The following SPATA31A1 variants were observed in gnomAD, a reference collection of about 807,000 sequenced individuals.
The protein encoded by SPATA31A1 is spermatogenesis-associated protein 31A1.
For synonymous variants in SPATA31A1, 194 were observed against 573.4 expected (o/e 0.34, Z 9.45); for missense variants, 579 against 1,476.3 (o/e 0.39, Z 9.96).
rs1489147854 is a variant in SPATA31A1 at position 39,355,685 on chromosome 9, G to A, written c.-46G>A. ...CTGGGCCCCAGTCCCTAGTCCCCAC[G>A]GGGATGCCCAGAGCTCAGTTGCTTG... On this transcript the variant is annotated 5_prime_UTR_variant, in exon 1 of 4. Coordinates refer to ENST00000377647, the MANE Select transcript of SPATA31A1 (RefSeq NM_001085452.4). 2.0e-5 allele frequency: 9 copies of A among 454,790 alleles called. No individual in the cohort carries two copies. The highest frequency in any genetic ancestry group is 4.5e-5 in the South Asian group (2 of 44,578). The allele number at this position is 454,790 out of a possible 1,614,324, so 28.2% of individuals were successfully genotyped here.
At position 39,361,199 on chromosome 9, in the gene SPATA31A1, A is replaced by G. The variant is rs1823458539; in HGVS notation, c.3434A>G (p.Asp1145Gly). 6.2e-7 allele frequency: 1 copy of G among 1,611,394 alleles called. No homozygotes were observed. Among genetic ancestry groups the G allele is most frequent in the South Asian group, 1.1e-5 (1 of 90,960 alleles). Residue 1145 changes from aspartate to glycine, a missense_variant, in exon 4 of 4, where the codon GAT (aspartate) becomes GGT (glycine). Coordinates refer to ENST00000377647, the MANE Select transcript of SPATA31A1 (RefSeq NM_001085452.4). Reference protein sequence around the residue: ...PVRKTEDTHQDEGVQLLPSKK... With the variant: ...PVRKTEDTHQGEGVQLLPSKK... The stretch of plus-strand genomic sequence containing the variant: ...AGGAAAACAGAAGACACCCATCAGG[A>G]TGAAGGCGTCCAGCTACTGCCATCA...
chr9:39,361,399 G>A lies in SPATA31A1; in HGVS notation c.3634G>A (p.Ala1212Thr), dbSNP rs900177160. The A allele has an allele frequency of 5.1e-5, 83 of 1,613,608 alleles. 1 individual carries two copies. In the Middle Eastern group the frequency reaches 8.3e-4, roughly 16 times the overall value. Residue 1212 changes from alanine to threonine, a missense_variant, in exon 4 of 4, where the codon GCA (alanine) becomes ACA (threonine). By Grantham distance (58) the Ala-to-Thr change is moderately conservative. Transcript: ENST00000377647. The stretch of plus-strand genomic sequence containing the variant: ...TGCTGAAGCTCAGGGTCTCATGACG[G>A]CAGTTGGACAAATGCTGGACGAGAA... ...SSAEAQGLMTAVGQMLDEKMS... is the reference protein window; with the variant it reads ...SSAEAQGLMTTVGQMLDEKMS...
rs1162676216 is a variant in SPATA31A1, at chr9:39,358,716, G to A, written c.951G>A (p.Leu317=). The change falls in exon 4 of 4, where the codon CTG becomes CTA. Residue 317 remains leucine, a synonymous_variant. Transcript: ENST00000377647. ...CCTACCAGATGGAAGCTGGTAGCCT[G>A]TTTTTGCTCAGCTCTGATGGCCAGA... The part of the protein sequence containing the change: ...PETYQMEAGS[L]FLLSSDGQNA... 12 of 1,606,994 alleles carry A rather than the reference G, an allele frequency of 7.5e-6. No individual in the cohort carries two copies. Among genetic ancestry groups the A allele is most frequent in the Non-Finnish European group, 8.5e-6 (10 of 1,179,822 alleles).
chr9:39,358,849 T>G lies in SPATA31A1; in HGVS notation c.1084T>G (p.Ser362Ala). 6.3e-7 allele frequency: 1 copy of G among 1,596,100 alleles called. No homozygotes were observed. The highest frequency in any genetic ancestry group is 8.5e-7 in the Non-Finnish European group (1 of 1,179,710). ...DRMTPEKHLN[S>A]LRNLAKSLDA... is the part of the protein sequence containing the mutation. ...AATGACCCCAGAAAAGCACTTAAAT[T>G]CTTTGCGGAATTTGGCTAAATCATT... The change falls in exon 4 of 4, where the codon TCT (serine) becomes GCT (alanine). Residue 362 changes from serine (S) to alanine (A), a missense_variant. By Grantham distance (99) the Ser-to-Ala change is moderately conservative (BLOSUM62 1). Transcript: ENST00000377647.
In SPATA31A1 at chr9:39,360,972, C is replaced by T; in HGVS notation, c.3207C>T (p.Ser1069=). Reference sequence around the variant, plus strand: ...TGCCTGCTGGGAACATGCGGGCTTCCCAGGAGCTACATGACCTTATGGCAG... The same window carrying T: ...TGCCTGCTGGGAACATGCGGGCTTCTCAGGAGCTACATGACCTTATGGCAG... ...QSMPAGNMRA[S]QELHDLMAAR... is the part of the protein sequence containing the mutation. The change falls in exon 4 of 4, where the codon TCC becomes TCT. Residue 1069 remains serine, a synonymous_variant. Transcript: ENST00000377647. 1 of 1,609,074 alleles carries T rather than the reference C, an allele frequency of 6.2e-7. No individual in the cohort carries two copies. Among genetic ancestry groups the T allele is most frequent in the Non-Finnish European group, 8.5e-7 (1 of 1,179,364 alleles).
At chr9:39,356,482 C>CTGTGTGTG (rs201386587) in intron 1 of SPATA31A1, among the ~76,000 whole-genome samples, 1 of 123,942 alleles carries the variant, frequency 8.1e-6, no homozygotes, top group Non-Finnish European at 1.7e-5. Context: ...GAAAATCCCT[C>CTGTGTGTG]TGTGTGTGTG....
Position 39,358,488 on chromosome 9 carries a change from C to G in SPATA31A1, c.723C>G (p.Asp241Glu). ...DSTLITPSHC[D>E]SVALPLGTVP... ...CACTGATAACTCCATCTCACTGTGA[C>G]TCAGTGGCACTTCCACTGGGCACCG... The change falls in exon 4 of 4, where the codon GAC becomes GAG. Residue 241 changes from aspartate to glutamate, a missense_variant. Coordinates refer to ENST00000377647, the MANE Select transcript of SPATA31A1 (RefSeq NM_001085452.4). The G allele has an allele frequency of 6.4e-7, 1 of 1,571,504 alleles. No homozygotes were observed. The highest frequency in any genetic ancestry group is 1.1e-5 in the South Asian group (1 of 89,224).
In SPATA31A1 at chr9:39,361,162, C is replaced by T; in HGVS notation, c.3397C>T (p.Leu1133Phe). The part of the protein sequence containing the change: ...ERLEGLRTPQ[L>F]TPVRKTEDTH... ...GCTTGAAGGATTGAGGACTCCTCAACTTACCCCAGTCAGGAAAACAGAAGA... is the reference window on the plus strand; with the variant it reads ...GCTTGAAGGATTGAGGACTCCTCAATTTACCCCAGTCAGGAAAACAGAAGA... Residue 1133 changes from leucine (L) to phenylalanine (F), a missense_variant, in exon 4 of 4, where the codon CTT (leucine) becomes TTT (phenylalanine). By Grantham distance (22) the Leu-to-Phe change is conservative (BLOSUM62 0). Transcript: ENST00000377647. 1.2e-6 allele frequency: 2 copies of T among 1,611,272 alleles called. No individual in the cohort carries two copies. The highest frequency in any genetic ancestry group is 1.7e-6 in the Non-Finnish European group (2 of 1,179,646).
In SPATA31A1 at chr9:39,358,565, T is replaced by C. The variant is rs1378940881; in HGVS notation, c.800T>C (p.Ile267Thr). Residue 267 changes from isoleucine to threonine, a missense_variant, in exon 4 of 4, where the codon ATC becomes ACC. Ile to Thr is a moderately conservative substitution (Grantham distance 89, BLOSUM62 -1). Coordinates refer to ENST00000377647, the MANE Select transcript of SPATA31A1 (RefSeq NM_001085452.4). The part of the protein sequence containing the change: ...HEDLVASVPA[I>T]SGLGGSNSHV... The stretch of plus-strand genomic sequence containing the variant: ...GATTTGGTGGCTTCTGTCCCAGCCA[T>C]CTCAGGCCTTGGTGGCTCAAACAGT... The C allele has an allele frequency of 6.9e-6, 11 of 1,589,232 alleles. No homozygotes were observed. The highest frequency in any genetic ancestry group is 1.4e-5 in the African/African-American group (1 of 71,240).
rs1248195121 is a variant in SPATA31A1 at position 39,358,581 on chromosome 9, C to T, written c.816C>T (p.Gly272=). ...ASVPAISGLG[G]SNSHVSASSR... ...TCCCAGCCATCTCAGGCCTTGGTGG[C>T]TCAAACAGTCATGTTTCTGCCTCCT... The change falls in exon 4 of 4, where the codon GGC becomes GGT. Residue 272 remains glycine, a synonymous_variant. Coordinates refer to ENST00000377647, the MANE Select transcript of SPATA31A1 (RefSeq NM_001085452.4). The T allele has an allele frequency of 7.2e-5, 114 of 1,593,108 alleles. 2 individuals are homozygous for T. The highest frequency in any genetic ancestry group is 8.5e-5 in the Non-Finnish European group (100 of 1,178,126).
chr9:39,361,697 C>T lies in SPATA31A1; in HGVS notation c.3932C>T (p.Pro1311Leu). The T allele has an allele frequency of 6.2e-7, 1 of 1,612,536 alleles. No homozygotes were observed. Among genetic ancestry groups the T allele is most frequent in the South Asian group, 1.1e-5 (1 of 90,986 alleles). Residue 1311 changes from proline to leucine, a missense_variant, in exon 4 of 4, where the codon CCC becomes CTC. Physicochemically the swap from Pro to Leu is moderately conservative, Grantham distance 98. Transcript: ENST00000377647. ...CTGCGACATCCCCAAATCTTGCACCCCAAGAAAGCTGTATCCCCAGTCAGT... is the reference window on the plus strand; with the variant it reads ...CTGCGACATCCCCAAATCTTGCACCTCAAGAAAGCTGTATCCCCAGTCAGT... ...WGLRHPQILH[P>L]KKAVSPVSPL...
chr9:39,358,839 G>T lies in SPATA31A1; in HGVS notation c.1074G>T (p.Lys358Asn), dbSNP rs1219735625. 1.6e-5 allele frequency: 26 copies of T among 1,596,260 alleles called. No homozygotes were observed. The highest frequency in any genetic ancestry group is 2.0e-5 in the Non-Finnish European group (24 of 1,179,736). ...TTACAGATCGAATGACCCCAGAAAA[G>T]CACTTAAATTCTTTGCGGAATTTGG... ...GSFTDRMTPEKHLNSLRNLAK... is the reference protein window; with the variant it reads ...GSFTDRMTPENHLNSLRNLAK... Residue 358 changes from lysine (K) to asparagine (N), a missense_variant, in exon 4 of 4, where the codon AAG becomes AAT. By Grantham distance (94) the Lys-to-Asn change is moderately conservative. Transcript: ENST00000377647.
chr9:39,361,837 C>T lies in SPATA31A1; in HGVS notation c.*28C>T. ...TGGTCAGTCACAAATTCTTTTTTAG[C>T]CTTCCCTGGAGAAAAAGAAGTCCCC... On this transcript the variant is annotated 3_prime_UTR_variant, in exon 4 of 4. Transcript: ENST00000377647. 1.9e-6 allele frequency: 3 copies of T among 1,608,124 alleles called. No homozygotes were observed. The highest frequency in any genetic ancestry group is 2.5e-6 in the Non-Finnish European group (3 of 1,179,110).
rs1350736293 is a variant in SPATA31A1 at position 39,358,631 on chromosome 9, C to A, written c.866C>A (p.Thr289Asn). 2.1e-3 allele frequency: 3,347 copies of A among 1,604,774 alleles called. 9 individuals carry two copies. The highest frequency in any genetic ancestry group is 2.6e-3 in the Non-Finnish European group (3,012 of 1,179,438). Residue 289 changes from threonine (T) to asparagine (N), a missense_variant, in exon 4 of 4, where the codon ACC becomes AAC. Transcript: ENST00000377647. ...TCCCGGTGGCAGGAGACTGCCAGAA[C>A]CTCGTGCGCCTTTAACTCATCAGTC... is the stretch of plus-strand genomic sequence containing the variant. ...ASSRWQETAR[T>N]SCAFNSSVQQ...
chr9:39,357,907 G>C, intron 3 of SPATA31A1, 89 bp downstream of exon 3: 1 of 1,538,000 alleles, frequency 6.5e-7, no homozygotes, highest in South Asian at 1.2e-5. Flanking sequence ...ACCTGGGATG[G>C]GGAGACCAGG....
intron 1 of SPATA31A1, among the ~76,000 whole-genome samples, chr9:39,356,482 CTGTGTGTG>C (rs201386587): frequency 1.5e-4 from 18 of 124,020 alleles, no homozygotes; most frequent in Middle Eastern, 8.3e-3. Context: ...GAAAATCCCT[CTGTGTGTG>C]TGTGTGTGTG....
chr9:39,355,878 C>T lies in SPATA31A1; in HGVS notation c.148C>T (p.Arg50Cys). Residue 50 changes from arginine (R) to cysteine (C), a missense_variant, in exon 1 of 4, where the codon CGT (arginine) becomes TGT (cysteine). By Grantham distance (180) the Arg-to-Cys change is radical. Transcript: ENST00000377647. ...ATTACTCCCCTACTTATCTTACTTC[C>T]GTTGTGATGACCCACCCTCACCATC... ...FLLLPYLSYF[R>C]CDDPPSPSPG... The T allele has an allele frequency of 1.3e-5, 4 of 303,124 alleles. No individual in the cohort carries two copies. The highest frequency in any genetic ancestry group is 1.5e-5 in the Non-Finnish European group (3 of 194,034). 18.8% of individuals were successfully genotyped at this position (303,124 alleles called of 1,614,324 possible). A position where few individuals can be genotyped will look rare whatever the true frequency, so the allele number is the denominator to read the frequency against.
chr9:39,359,161 C>G lies in SPATA31A1; in HGVS notation c.1396C>G (p.Leu466Val), dbSNP rs1380068640. ...AAGGGAGACTACAATGTCCCCACTG[C>G]TTTTCCAGGCCCAGCCCCCGTCCCA... ...IQRETTMSPL[L>V]FQAQPPSHLG... The change falls in exon 4 of 4, where the codon CTT becomes GTT. Residue 466 changes from leucine (L) to valine (V), a missense_variant. Physicochemically the swap from Leu to Val is conservative, Grantham distance 32 (BLOSUM62 1). Transcript: ENST00000377647. 2 of 1,611,678 alleles carry G rather than the reference C, an allele frequency of 1.2e-6. No homozygotes were observed. Among genetic ancestry groups the G allele is most frequent in the African/African-American group, 1.3e-5 (1 of 74,640 alleles).
chr9:39,358,610 G>C lies in SPATA31A1; in HGVS notation c.845G>C (p.Arg282Pro). The C allele has an allele frequency of 3.7e-6, 6 of 1,600,646 alleles. No homozygotes were observed. Among genetic ancestry groups the C allele is most frequent in the Non-Finnish European group, 5.1e-6 (6 of 1,179,032 alleles). Residue 282 changes from arginine to proline, a missense_variant, in exon 4 of 4, where the codon CGG becomes CCG. Physicochemically the swap from Arg to Pro is moderately radical, Grantham distance 103 (BLOSUM62 -2). Coordinates refer to ENST00000377647, the MANE Select transcript of SPATA31A1 (RefSeq NM_001085452.4). ...AACAGTCATGTTTCTGCCTCCTCCC[G>C]GTGGCAGGAGACTGCCAGAACCTCG... ...GSNSHVSASS[R>P]WQETARTSCA...
Sources: gnomAD v4.1 joint callset for allele counts (sites outside exome capture counted in the v4.1 genomes callset) on GRCh38, gnomAD v4.1.1 for gene constraint, MANE v1.5 for transcripts, NCBI Gene and HGNC (gene_info 2026-07-23, HGNC 2026-07-21) for gene names.